The following CDC42BPB variants were observed in gnomAD, a reference collection of about 807,000 sequenced individuals.
CDC42BPB encodes the protein CDC42 binding protein kinase beta.
A neutral mutation model predicts 214.9 loss-of-function variants in CDC42BPB; 37 were observed. The ratio of observed to expected loss-of-function variants is 0.17; its 90% confidence interval spans 0.13 to 0.23. CDC42BPB has a LOEUF of 0.23. Ranked by LOEUF, CDC42BPB falls within the 10% of genes least tolerant of loss-of-function variation. CDC42BPB has a pLI of 1.00. For synonymous variants in CDC42BPB, 931 were observed against 884.0 expected, an observed-to-expected ratio of 1.05 and a Z score of -0.94; for missense variants, 1,694 against 2,227.0, an observed-to-expected ratio of 0.76 and a Z score of 4.82.
chr14:102,939,582 G>A, intron 34 of CDC42BPB, 28 bp downstream of exon 34: 2 of 1,536,762 alleles, frequency 1.3e-6, no homozygotes, highest in Non-Finnish European at 1.8e-6. Flanking sequence ...GGGGTGCCCT[G>A]CCCGCCCTAT....
At chr14:102,981,301 C>T (rs765793054) in intron 7 of CDC42BPB, 10 of 565,602 alleles carry the variant, frequency 1.8e-5, no homozygotes, top group South Asian at 1.5e-4. Context: ...ACATGCCGTG[C>T]GCGGGAAGAG....
chr14:102,971,129 T>C (rs1893453873), intron 13 of CDC42BPB, among the ~76,000 whole-genome samples: 2 of 152,294 alleles, frequency 1.3e-5, no homozygotes, highest in South Asian at 4.1e-4. Flanking sequence ...TCATGTACTT[T>C]ATCCAGAACG....
chr14:103,042,313 AT>A (rs879522721), intron 1 of CDC42BPB, among the ~76,000 whole-genome samples: 3,818 of 145,108 alleles, frequency 0.026, 140 homozygotes, highest in African/African-American at 0.088. Flanking sequence ...ACACAACCCA[AT>A]TTTTTTTTTT....
chr14:103,035,932 G>T (rs1330271569), intron 1 of CDC42BPB, among the ~76,000 whole-genome samples: 1 of 151,910 alleles, frequency 6.6e-6, no homozygotes, highest in Admixed American at 6.6e-5. Flanking sequence ...CAGGAGGATC[G>T]CTTTAGCTCA....
intron 25 of CDC42BPB, 101 bp from the exon 26 acceptor site, chr14:102,950,005 G>A (rs558295539): frequency 2.3e-5 from 35 of 1,555,008 alleles, no homozygotes; most frequent in Admixed American, 7.3e-5. Context: ...CCAGGCTGGC[G>A]GCAGAGCTGT....
At chr14:102,959,751 A>C in intron 20 of CDC42BPB, 41 bp from the exon 21 acceptor site, 1 of 1,573,580 alleles carries the variant, frequency 6.4e-7, no homozygotes, top group Non-Finnish European at 8.6e-7. Flanking sequence ...AAAAAAACTA[A>C]AGTCTACATA....
At chr14:102,980,276 T>C (rs1198941944) in intron 8 of CDC42BPB, among the ~76,000 whole-genome samples, 4 of 152,190 alleles carry the variant, frequency 2.6e-5, no homozygotes, top group South Asian at 2.1e-4. Flanking sequence ...GGGCGGATCA[T>C]GTGGTCAGGA....
At chr14:102,972,688 C>CAAAAAAAAAAAAAAAAAA (rs56956413) in intron 12 of CDC42BPB, among the ~76,000 whole-genome samples, 1 of 44,936 alleles carries the variant, frequency 2.2e-5, no homozygotes, top group Non-Finnish European at 3.9e-5. Flanking sequence ...GACTCTGCCT[C>CAAAAAAAAAAAAAAAAAA]AAAAAAAAAA....
intron 13 of CDC42BPB, chr14:102,970,485 AC>A: frequency 5.8e-6 from 3 of 517,372 alleles, no homozygotes; most frequent in Non-Finnish European, 7.5e-6. Flanking sequence ...GCTTAAATTG[AC>A]ACTTAAATTT....
chr14:103,026,594 T>G lies in CDC42BPB; in HGVS notation c.176-14406A>C, dbSNP rs528817889. Among the ~76,000 whole-genome samples the G allele has an allele frequency of 9.2e-5, 14 of 152,192 alleles. No individual in the cohort carries two copies. The East Asian group carries it at 1.7e-3, about 19-fold the overall frequency. On this transcript the variant is annotated intron_variant, in intron 1 of 36. Transcript: ENST00000361246. ...ATTAAGAAAGATGGCTGGGCATGGG[T>G]GGCTCACACCTGTAATCCCAGCACT...
chr14:102,940,826 C>T lies in CDC42BPB; in HGVS notation c.4409-502G>A, dbSNP rs534429834. The stretch of plus-strand genomic sequence containing the variant: ...GCCTGTCTGCCCTCCACACTAATGA[C>T]CCTAGACCCCTAGGAACCCGTGCTA... On this transcript the variant is annotated intron_variant, in intron 30 of 36. Coordinates refer to ENST00000361246, the MANE Select transcript of CDC42BPB (RefSeq NM_006035.4). The T allele has an allele frequency of 2.0e-3, 391 of 192,268 alleles. 2 individuals carry two copies. The highest frequency in any genetic ancestry group is 8.2e-3 in the African/African-American group (353 of 43,204). The allele number at this position is 192,268 out of a possible 1,614,324, so 11.9% of individuals were successfully genotyped here.
At chr14:102,954,765 A>C in intron 21 of CDC42BPB, 77 bp from the exon 22 acceptor site, 3 of 1,532,498 alleles carry the variant, frequency 2.0e-6, no homozygotes, top group South Asian at 2.4e-5. Context: ...CAAGTTCTTT[A>C]CTAATAAAAG....
At chr14:102,995,687 G>C (rs1894695717) in intron 5 of CDC42BPB, among the ~76,000 whole-genome samples, 1 of 152,228 alleles carries the variant, frequency 6.6e-6, no homozygotes, top group Non-Finnish European at 1.5e-5. Context: ...CTGCGGGGTG[G>C]GATCCCCACA....
chr14:102,963,024 T>C (rs1464544062), intron 20 of CDC42BPB, 37 bp downstream of exon 20: 2 of 949,940 alleles, frequency 2.1e-6, no homozygotes, highest in Non-Finnish European at 3.3e-6. Flanking sequence ...AAAATACTTA[T>C]ATTCAAATAA....
At chr14:102,968,974 T>C in intron 14 of CDC42BPB, 2 of 810,696 alleles carry the variant, frequency 2.5e-6, no homozygotes, top group Non-Finnish European at 1.5e-6. Flanking sequence ...TGTTCATTCA[T>C]GCTTGCAGCA....
At chr14:102,971,014 A>G (rs2139470420) in intron 13 of CDC42BPB, among the ~76,000 whole-genome samples, 2 of 152,302 alleles carry the variant, frequency 1.3e-5, no homozygotes, top group Middle Eastern at 6.8e-3. Flanking sequence ...GAACACTCAG[A>G]ACACCCAGGG....
chr14:102,968,941 C>G (rs1254499378), intron 14 of CDC42BPB: 1 of 965,386 alleles, frequency 1.0e-6, no homozygotes, highest in Non-Finnish European at 1.2e-6. Context: ...TGCCTGGGAC[C>G]CCCGAAGCTC....
At chr14:102,952,267 G>C (rs1205866389) in intron 24 of CDC42BPB, among the ~76,000 whole-genome samples, 2 of 152,184 alleles carry the variant, frequency 1.3e-5, no homozygotes, top group Non-Finnish European at 2.9e-5. Flanking sequence ...TGAGACAAGG[G>C]AATCGCTTGA....
At chr14:102,953,317 G>A (rs978605061) in intron 23 of CDC42BPB, among the ~76,000 whole-genome samples, 6 of 152,258 alleles carry the variant, frequency 3.9e-5, no homozygotes, top group African/African-American at 1.4e-4. Flanking sequence ...CAGGGAGGCC[G>A]TGGGGCGGTG....
Sources: gnomAD v4.1 joint callset for allele counts (sites outside exome capture counted in the v4.1 genomes callset) on GRCh38, gnomAD v4.1.1 for gene constraint, MANE v1.5 for transcripts, NCBI Gene and HGNC (gene_info 2026-07-23, HGNC 2026-07-21) for gene names.